Variants in RAD51B observed in about 807,000 individuals in gnomAD.
RAD51B encodes RAD51 paralog B, also known as DNA repair protein RAD51 homolog 2.
A neutral mutation model predicts 42.2 loss-of-function variants in RAD51B; 38 were observed. That is an observed-to-expected ratio of 0.90 (90% CI 0.70 to 1.18). The LOEUF is 1.18. Among genes scored for constraint, RAD51B ranks in the 50% most tolerant of loss-of-function variants. RAD51B has a pLI of 0.00. For synonymous variants in RAD51B, 154 were observed against 145.2 expected (o/e 1.06, Z -0.43); for missense variants, 373 against 400.7 (o/e 0.93, Z 0.59).
intron 7 of RAD51B, among the ~76,000 whole-genome samples, chr14:68,056,352 T>G (rs186532696): frequency 6.6e-6 from 1 of 152,122 alleles, no homozygotes; most frequent in Non-Finnish European, 1.5e-5. Context: ...TTTTCTCATG[T>G]TGGTCAGGCT....
chr14:68,161,820 A>G (rs900053264), intron 7 of RAD51B, among the ~76,000 whole-genome samples: 9 of 152,176 alleles, frequency 5.9e-5, no homozygotes, highest in Non-Finnish European at 1.0e-4. Flanking sequence ...CCTTCTCCTT[A>G]ATGTGAAACC....
At chr14:67,855,515 T>C (rs1331272877) in intron 4 of RAD51B, among the ~76,000 whole-genome samples, 3 of 151,904 alleles carry the variant, frequency 2.0e-5, no homozygotes, top group South Asian at 4.2e-4. Context: ...GCTGGGATTA[T>C]AGGCTTGAGC....
At chr14:68,065,742 C>T (rs1358657419) in intron 7 of RAD51B, among the ~76,000 whole-genome samples, 3 of 152,054 alleles carry the variant, frequency 2.0e-5, no homozygotes, top group African/African-American at 4.8e-5. Context: ...GAATATGGAG[C>T]ACCCTGGGCA....
At chr14:68,064,546 C>G (rs1566617065) in intron 7 of RAD51B, among the ~76,000 whole-genome samples, 1 of 151,872 alleles carries the variant, frequency 6.6e-6, no homozygotes, top group Non-Finnish European at 1.5e-5. Flanking sequence ...TTTTATAGGC[C>G]TTTTTCCTTG....
chr14:67,870,839 G>T (rs2042503327), intron 5 of RAD51B, among the ~76,000 whole-genome samples: 1 of 121,612 alleles, frequency 8.2e-6, no homozygotes. Context: ...AGTGACTACT[G>T]GGTACATAAC....
At chr14:67,861,220 T>C (rs552668605) in intron 4 of RAD51B, among the ~76,000 whole-genome samples, 1 of 151,460 alleles carries the variant, frequency 6.6e-6, no homozygotes, top group South Asian at 2.1e-4. Context: ...CAAAAAATCC[T>C]AACTGTTGTA....
chr14:68,192,120 A>G (rs1346687325), intron 7 of RAD51B, among the ~76,000 whole-genome samples: 2 of 152,228 alleles, frequency 1.3e-5, no homozygotes, highest in East Asian at 3.8e-4. Context: ...CAGGTCACCT[A>G]CAGGCCAGAC....
At chr14:68,471,348 TG>T (rs1443750154) in intron 10 of RAD51B, among the ~76,000 whole-genome samples, 1 of 152,190 alleles carries the variant, frequency 6.6e-6, no homozygotes, top group Non-Finnish European at 1.5e-5. Context: ...AGCCCCAAGA[TG>T]CCTACTGGCC....
In RAD51B at chr14:68,345,170, G is replaced by A. The variant is rs562317601; in HGVS notation, c.853+53190G>A. ...TCTCCAGATGAAACTTTGGACTTCA[G>A]ACTTGGGACTTTTGATTGAGTTGGA... On this transcript the variant is annotated intron_variant, in intron 8 of 10. Transcript: ENST00000471583. Among the ~76,000 whole-genome samples the A allele has an allele frequency of 2.0e-5, 3 of 152,286 alleles. No individual in the cohort carries two copies. In the East Asian group the frequency reaches 5.8e-4, roughly 29 times the overall value.
intron 7 of RAD51B, among the ~76,000 whole-genome samples, chr14:68,104,328 A>T (rs550611074): frequency 6.6e-6 from 1 of 152,284 alleles, no homozygotes; most frequent in East Asian, 1.9e-4. Context: ...GAGGGCAAAC[A>T]ACTGCTTCTA....
At chr14:68,048,671 C>A (rs1435707793) in intron 7 of RAD51B, among the ~76,000 whole-genome samples, 10 of 152,282 alleles carry the variant, frequency 6.6e-5, no homozygotes, top group Admixed American at 4.6e-4. Flanking sequence ...TCATCTCACA[C>A]CAGTTAGAAT....
chr14:67,883,506 A>G (rs1478302956), intron 5 of RAD51B, among the ~76,000 whole-genome samples: 2 of 152,026 alleles, frequency 1.3e-5, no homozygotes, highest in Non-Finnish European at 2.9e-5. Flanking sequence ...CACTTGTTAT[A>G]ATTCTCTATT....
chr14:68,168,793 ACT>A (rs1368610551), intron 7 of RAD51B, among the ~76,000 whole-genome samples: 6 of 152,040 alleles, frequency 3.9e-5, no homozygotes, highest in African/African-American at 1.2e-4. Context: ...TAGAAATAAG[ACT>A]CTCATATTGA....
At chr14:67,997,464 A>G (rs561922660) in intron 7 of RAD51B, among the ~76,000 whole-genome samples, 1 of 152,328 alleles carries the variant, frequency 6.6e-6, no homozygotes, top group South Asian at 2.1e-4. Flanking sequence ...TCTTAGTCAC[A>G]GTCACGTCCT....
At chr14:67,945,801 A>G (rs959241398) in intron 7 of RAD51B, among the ~76,000 whole-genome samples, 1 of 152,172 alleles carries the variant, frequency 6.6e-6, no homozygotes. Context: ...GAGGTCCATG[A>G]TTGGGTTTCA....
At chr14:67,829,720 T>C (rs1284045079) in intron 3 of RAD51B, among the ~76,000 whole-genome samples, 1 of 152,190 alleles carries the variant, frequency 6.6e-6, no homozygotes. Flanking sequence ...AAGCATGTAT[T>C]AGGTACTTTG....
At chr14:68,463,990 C>G (rs890786788) in intron 9 of RAD51B, among the ~76,000 whole-genome samples, 1 of 152,126 alleles carries the variant, frequency 6.6e-6, no homozygotes, top group Non-Finnish European at 1.5e-5. Flanking sequence ...TATAGTTAAC[C>G]AACATTCCAT....
chr14:68,642,556 A>G (rs1892483941), intron 10 of RAD51B, among the ~76,000 whole-genome samples: 1 of 152,174 alleles, frequency 6.6e-6, no homozygotes, highest in African/African-American at 2.4e-5. Flanking sequence ...TCAAAGGACC[A>G]GCTTTTGGTT....
intron 10 of RAD51B, among the ~76,000 whole-genome samples, chr14:68,568,609 C>T (rs1889538654): frequency 6.6e-6 from 1 of 152,088 alleles, no homozygotes; most frequent in Admixed American, 6.5e-5. Context: ...GTATTTTTTT[C>T]ATATACACTA....
Sources: allele counts gnomAD v4.1 joint callset (sites outside exome capture counted in the v4.1 genomes callset), GRCh38; gene constraint gnomAD v4.1.1; transcripts MANE v1.5; gene names NCBI Gene and HGNC (gene_info 2026-07-23, HGNC 2026-07-21).